Variants in DGKI observed in about 807,000 individuals in gnomAD.
The protein encoded by DGKI is DAG kinase iota.
A neutral mutation model predicts 147.5 loss-of-function variants in DGKI; 55 were observed. The ratio of observed to expected loss-of-function variants is 0.37; its 90% CI spans 0.30 to 0.47. The LOEUF (loss-of-function observed/expected upper bound fraction) is 0.47, where lower values mean the gene tolerates loss of function less well. Among genes scored for constraint, DGKI ranks in the 20% least tolerant of loss-of-function variants. The pLI is 1.00. For synonymous variants in DGKI, 469 were observed against 477.1 expected (o/e 0.98, Z 0.22); for missense variants, 1,007 against 1,323.8 (o/e 0.76, Z 3.71).
chr7:137,406,259 G>A (rs1811943494), intron 30 of DGKI, among the ~76,000 whole-genome samples: 1 of 152,134 alleles, frequency 6.6e-6, no homozygotes, highest in Non-Finnish European at 1.5e-5. Flanking sequence ...TTGTGCAGTA[G>A]AAATCCTGAG....
intron 28 of DGKI, among the ~76,000 whole-genome samples, chr7:137,442,849 A>G (rs1813562841): frequency 6.6e-6 from 1 of 152,356 alleles, no homozygotes; most frequent in East Asian, 1.9e-4. Flanking sequence ...ATAGTCTAAT[A>G]GGGAAAACAG....
chr7:137,406,306 G>A (rs769596346), intron 30 of DGKI, among the ~76,000 whole-genome samples: 29 of 152,084 alleles, frequency 1.9e-4, no homozygotes, highest in South Asian at 4.1e-4. Flanking sequence ...AGAAAGGAAC[G>A]CTTTTAACTG....
chr7:137,424,623 C>T (rs1367942536), intron 28 of DGKI, among the ~76,000 whole-genome samples: 2 of 152,154 alleles, frequency 1.3e-5, no homozygotes, highest in African/African-American at 4.8e-5. Context: ...TCAGGGAGTT[C>T]CCTTTGCTAG....
chr7:137,529,503 G>A (rs557212520), intron 20 of DGKI, among the ~76,000 whole-genome samples: 32 of 152,220 alleles, frequency 2.1e-4, no homozygotes, highest in South Asian at 4.1e-4. Flanking sequence ...GTTCAGTGTC[G>A]TGTTCATGGT....
chr7:137,588,565 C>T (rs1819492694), intron 12 of DGKI, among the ~76,000 whole-genome samples: 2 of 151,384 alleles, frequency 1.3e-5, no homozygotes, highest in Non-Finnish European at 2.9e-5. Context: ...CAAGCTCCAC[C>T]TCCTGGGTTC....
Position 137,819,123 on chromosome 7 carries a change from A to G in DGKI, c.401+27339T>C, listed in dbSNP as rs577920945. ...AACAAGACTTGCATATTTAAACTCC[A>G]GCTTAACTGGGAACCTGGTGCTCCA... On this transcript the variant is annotated intron_variant, in intron 1 of 32. Coordinates refer to ENST00000614521, the MANE Select transcript of DGKI (RefSeq NM_001321708.2). Among the ~76,000 whole-genome samples the G allele has an allele frequency of 1.4e-3, 208 of 152,244 alleles. 3 individuals carry two copies. Among genetic ancestry groups the G allele is most frequent in the South Asian group, 1.7e-3 (8 of 4,822 alleles).
At chr7:137,426,401 A>G (rs1434020646) in intron 28 of DGKI, among the ~76,000 whole-genome samples, 1 of 152,198 alleles carries the variant, frequency 6.6e-6, no homozygotes, top group African/African-American at 2.4e-5. Context: ...TGAAGGAAGC[A>G]CTAAACATAG....
rs1396623589 is a variant in DGKI at position 137,540,781 on chromosome 7, AAAAAAAAC to A, written c.2147+11580_2147+11587del. Among the ~76,000 whole-genome samples the A allele has an allele frequency of 1.9e-3, 283 of 148,556 alleles. 9 individuals carry two copies. The South Asian group carries it at 0.051, about 27-fold the overall frequency. On this transcript the variant is annotated intron_variant, in intron 20 of 32. Coordinates refer to ENST00000614521, the MANE Select transcript of DGKI (RefSeq NM_001321708.2). ...CCCCCCCAAAAAAAAAAAAAAAAAAAAAAAAAACATTTACAATGGCTCCAAAAACATGA... is the reference window on the plus strand; with the variant it reads ...CCCCCCCAAAAAAAAAAAAAAAAAAAATTTACAATGGCTCCAAAAACATGA...
chr7:137,815,628 T>C (rs1209457463), intron 1 of DGKI, among the ~76,000 whole-genome samples: 3 of 152,184 alleles, frequency 2.0e-5, no homozygotes, highest in East Asian at 1.9e-4. Flanking sequence ...GCTAGGGACA[T>C]GGATATGAAC....
chr7:137,423,154 G>C (rs1290447903), intron 28 of DGKI, among the ~76,000 whole-genome samples: 1 of 152,156 alleles, frequency 6.6e-6, no homozygotes, highest in Non-Finnish European at 1.5e-5. Flanking sequence ...ATAATCCTGA[G>C]AGGGTAAGAG....
At chr7:137,742,450 G>A (rs1285308933) in intron 1 of DGKI, among the ~76,000 whole-genome samples, 1 of 152,188 alleles carries the variant, frequency 6.6e-6, no homozygotes, top group Non-Finnish European at 1.5e-5. Context: ...AAGTGCCAGT[G>A]ATCTAGCCTG....
At chr7:137,391,426 AC>A (rs1811361631) in intron 32 of DGKI, 90 bp from the exon 33 acceptor site, 1 of 883,454 alleles carries the variant, frequency 1.1e-6, no homozygotes. Flanking sequence ...ACAAAACAAA[AC>A]AAAAATCACA....
chr7:137,490,936 G>C (rs1305062860), intron 21 of DGKI, among the ~76,000 whole-genome samples: 1 of 152,208 alleles, frequency 6.6e-6, no homozygotes, highest in Non-Finnish European at 1.5e-5. Context: ...TCCAGAATAA[G>C]ATGGCATATT....
At chr7:137,519,073 G>C (rs6467710) in intron 21 of DGKI, among the ~76,000 whole-genome samples, 9,102 of 152,040 alleles carry the variant, frequency 0.06, 483 homozygotes, top group African/African-American at 0.12. Flanking sequence ...TCTTACATAA[G>C]TCTGAAATTT....
intron 28 of DGKI, among the ~76,000 whole-genome samples, chr7:137,428,695 T>TCA (rs1812926454): frequency 6.6e-6 from 1 of 152,222 alleles, no homozygotes; most frequent in African/African-American, 2.4e-5. Flanking sequence ...ATAAGCAACT[T>TCA]CAGCAAAGTC....
At chr7:137,551,310 G>T (rs1159337792) in intron 20 of DGKI, among the ~76,000 whole-genome samples, 2 of 152,122 alleles carry the variant, frequency 1.3e-5, no homozygotes, top group Non-Finnish European at 2.9e-5. Flanking sequence ...AGCAGTAAGT[G>T]TTGGTAGTGA....
intron 8 of DGKI, among the ~76,000 whole-genome samples, chr7:137,617,197 T>C (rs1820565240): frequency 6.7e-6 from 1 of 150,358 alleles, no homozygotes; most frequent in African/African-American, 2.4e-5. Flanking sequence ...AATATTAGTT[T>C]ACAAGAAATA....
Position 137,798,269 on chromosome 7 carries a change from G to T in DGKI, c.401+48193C>A, listed in dbSNP as rs1166491402. ...TGGGGAATTCTACCAATCATTTAAAGAATTCATACCAATCATTCATAAAAT... is the reference window on the plus strand; with the variant it reads ...TGGGGAATTCTACCAATCATTTAAATAATTCATACCAATCATTCATAAAAT... On this transcript the variant is annotated intron_variant, in intron 1 of 32. Coordinates refer to ENST00000614521, the MANE Select transcript of DGKI (RefSeq NM_001321708.2). Among the ~76,000 whole-genome samples the T allele has an allele frequency of 3.9e-5, 6 of 152,206 alleles. 1 individual carries two copies. The South Asian group carries it at 8.3e-4, about 21-fold the overall frequency.
intron 1 of DGKI, among the ~76,000 whole-genome samples, chr7:137,704,147 G>C (rs767486675): frequency 1.3e-5 from 2 of 152,168 alleles, no homozygotes; most frequent in Non-Finnish European, 2.9e-5. Context: ...GCAGGCGGAG[G>C]TTGCAGTGAG....
Sources: gnomAD v4.1 joint callset for allele counts (sites outside exome capture counted in the v4.1 genomes callset) on GRCh38, gnomAD v4.1.1 for gene constraint, MANE v1.5 for transcripts, NCBI Gene and HGNC (gene_info 2026-07-23, HGNC 2026-07-21) for gene names.